RABGAP1L: variants seen among roughly 807,000 people sequenced by gnomAD.
RABGAP1L encodes the protein RAB GTPase activating protein 1 like.
RABGAP1L carries 63 observed loss-of-function variants against 137.7 expected under a neutral mutation model. That is an observed-to-expected ratio of 0.46 (90% CI 0.37 to 0.56). RABGAP1L has a LOEUF of 0.56. Ranked by LOEUF, RABGAP1L falls within the 20% of genes least tolerant of loss-of-function variation. The probability of loss-of-function intolerance (pLI) is 0.00; values close to 1 mark genes in which losing one functional copy is unlikely to be tolerated. For synonymous variants in RABGAP1L, 431 were observed against 433.7 expected (o/e 0.99, Z 0.08); for missense variants, 1,095 against 1,244.0 (o/e 0.88, Z 1.80).
intron 13 of RABGAP1L, among the ~76,000 whole-genome samples, chr1:174,543,901 T>G (rs1399856836): frequency 1.3e-5 from 2 of 152,236 alleles, no homozygotes; most frequent in Non-Finnish European, 2.9e-5. Flanking sequence ...ATTCTTTTCT[T>G]TAAGAATGTT....
At chr1:174,674,141 G>C (rs565448682) in intron 14 of RABGAP1L, among the ~76,000 whole-genome samples, 1 of 149,874 alleles carries the variant, frequency 6.7e-6, no homozygotes, top group Non-Finnish European at 1.5e-5. Context: ...ACAATGTACA[G>C]GTTAGTTACA....
At chr1:174,304,840 A>G (rs1202288630) in intron 10 of RABGAP1L, 146 bp from the exon 11 acceptor site, 3 of 661,074 alleles carry the variant, frequency 4.5e-6, no homozygotes, top group Non-Finnish European at 7.1e-6. Flanking sequence ...TGCACCTTAA[A>G]AGTTTTCAGA....
intron 20 of RABGAP1L, among the ~76,000 whole-genome samples, chr1:174,967,665 T>C (rs1246138147): frequency 2.0e-5 from 3 of 151,786 alleles, no homozygotes; most frequent in Non-Finnish European, 4.4e-5. Context: ...TAAAAATTTT[T>C]TTGTAGAGAT....
chr1:174,541,908 T>C (rs1665489268), intron 13 of RABGAP1L, among the ~76,000 whole-genome samples: 1 of 152,264 alleles, frequency 6.6e-6, no homozygotes, highest in African/African-American at 2.4e-5. Context: ...TTGATTTGCG[T>C]ATGTTGAACT....
At chr1:174,549,820 A>G (rs1558332475) in intron 13 of RABGAP1L, among the ~76,000 whole-genome samples, 1 of 152,196 alleles carries the variant, frequency 6.6e-6, no homozygotes, top group African/African-American at 2.4e-5. Flanking sequence ...AAGACAAGAC[A>G]GTTTATAATC....
intron 19 of RABGAP1L, among the ~76,000 whole-genome samples, chr1:174,863,432 T>A (rs1470515076): frequency 2.0e-5 from 3 of 148,242 alleles, no homozygotes; most frequent in East Asian, 2.1e-4. Context: ...CCAGCACTTT[T>A]GGAGGCCGAG....
In RABGAP1L at chr1:174,323,188, T is replaced by C. The variant is rs149342818; in HGVS notation, c.1465+18061T>C. On this transcript the variant is annotated intron_variant, in intron 11 of 25. Transcript: ENST00000681986. Reference sequence around the variant, plus strand: ...GTTTAAGAATCTGTTTTGTGGCATATATATTAGATATTTAGTATACGTAGA... The same window carrying C: ...GTTTAAGAATCTGTTTTGTGGCATACATATTAGATATTTAGTATACGTAGA... Among the ~76,000 whole-genome samples the C allele has an allele frequency of 3.0e-3, 455 of 152,286 alleles. 5 individuals carry two copies. Among genetic ancestry groups the C allele is most frequent in the Non-Finnish European group, 4.4e-3 (300 of 68,004 alleles).
intron 11 of RABGAP1L, among the ~76,000 whole-genome samples, chr1:174,348,874 G>T (rs188410361): frequency 1.3e-5 from 2 of 152,126 alleles, no homozygotes; most frequent in Non-Finnish European, 2.9e-5. Flanking sequence ...ACACAGACAC[G>T]GCAACCATCC....
chr1:174,817,091 T>C (rs762867848), intron 19 of RABGAP1L, among the ~76,000 whole-genome samples: 2 of 152,204 alleles, frequency 1.3e-5, no homozygotes, highest in Non-Finnish European at 2.9e-5. Context: ...ATGTTCCAAG[T>C]ACCATATTTA....
chr1:174,692,004 A>G (rs1342554809), intron 15 of RABGAP1L, among the ~76,000 whole-genome samples: 1 of 152,152 alleles, frequency 6.6e-6, no homozygotes, highest in Non-Finnish European at 1.5e-5. Flanking sequence ...AAAGCTTTTT[A>G]TATTTAGCAT....
intron 13 of RABGAP1L, among the ~76,000 whole-genome samples, chr1:174,406,853 G>A (rs769889914): frequency 9.9e-5 from 15 of 152,190 alleles, no homozygotes; most frequent in Non-Finnish European, 1.9e-4. Context: ...GCAGTGAGCT[G>A]TGATTGTGCC....
At position 174,565,018 on chromosome 1, in the gene RABGAP1L, T is replaced by C. The variant is rs575656544; in HGVS notation, c.1711-72357T>C. ...TAGAATATCAAATATTTGCCATAAC[T>C]TTAATAATTCTTTTTAAAAGGACAG... is the stretch of plus-strand genomic sequence containing the variant. On this transcript the variant is annotated intron_variant, in intron 13 of 25. Coordinates refer to ENST00000681986, the MANE Select transcript of RABGAP1L (RefSeq NM_001366446.1). Among the ~76,000 whole-genome samples the C allele has an allele frequency of 1.1e-4, 17 of 152,324 alleles. No individual in the cohort carries two copies. In the South Asian group the frequency reaches 3.5e-3, roughly 32 times the overall value.
At chr1:174,484,145 G>C (rs1227376423) in intron 13 of RABGAP1L, among the ~76,000 whole-genome samples, 1 of 152,130 alleles carries the variant, frequency 6.6e-6, no homozygotes, top group East Asian at 1.9e-4. Context: ...GCATTTCTCT[G>C]ATGATCAGTG....
intron 13 of RABGAP1L, among the ~76,000 whole-genome samples, chr1:174,498,528 T>C (rs1164306546): frequency 6.6e-6 from 1 of 152,104 alleles, no homozygotes; most frequent in Non-Finnish European, 1.5e-5. Flanking sequence ...AGAGTTTTGC[T>C]TTGTTGCCCA....
chr1:174,645,080 CA>C (rs914753652), intron 14 of RABGAP1L, among the ~76,000 whole-genome samples: 1 of 151,096 alleles, frequency 6.6e-6, no homozygotes, highest in African/African-American at 2.4e-5. Flanking sequence ...GTTACACAAA[CA>C]AAAAAAAGTA....
At chr1:174,388,228 C>T (rs942640541) in intron 12 of RABGAP1L, among the ~76,000 whole-genome samples, 12 of 151,866 alleles carry the variant, frequency 7.9e-5, no homozygotes, top group Non-Finnish European at 1.6e-4. Flanking sequence ...TTTGAACTTA[C>T]TCTTAAATAG....
chr1:174,977,605 G>T (rs964047099), intron 22 of RABGAP1L, among the ~76,000 whole-genome samples: 2 of 152,168 alleles, frequency 1.3e-5, no homozygotes, highest in African/African-American at 4.8e-5. Context: ...CTGTGTGTGT[G>T]TAACTGTTTT....
intron 12 of RABGAP1L, among the ~76,000 whole-genome samples, 183 bp from the exon 13 acceptor site, chr1:174,393,812 A>G (rs1647465527): frequency 6.6e-6 from 1 of 152,206 alleles, no homozygotes; most frequent in Non-Finnish European, 1.5e-5. Flanking sequence ...TAAGAAGATG[A>G]GATCAATAAA....
chr1:174,353,592 A>G (rs1041558417), intron 11 of RABGAP1L, among the ~76,000 whole-genome samples: 5 of 152,122 alleles, frequency 3.3e-5, no homozygotes, highest in Non-Finnish European at 1.5e-5. Flanking sequence ...TCTACCTGGA[A>G]CTCACTGACT....
Sources: allele counts gnomAD v4.1 joint callset (sites outside exome capture counted in the v4.1 genomes callset), GRCh38; gene constraint gnomAD v4.1.1; transcripts MANE v1.5; gene names NCBI Gene and HGNC (gene_info 2026-07-23, HGNC 2026-07-21).